Variants in CAB39 observed in about 807,000 individuals in gnomAD.
CAB39 encodes calcium binding protein 39.
CAB39 carries 8 observed loss-of-function variants against 40.0 expected under a neutral mutation model. That is an observed-to-expected ratio of 0.20 (90% confidence interval 0.12 to 0.36). CAB39 has a LOEUF of 0.36. CAB39 is among the 10% of genes least tolerant of loss of function. The probability of loss-of-function intolerance (pLI) is 1.00; values close to 1 mark genes in which losing one functional copy is unlikely to be tolerated. For synonymous variants in CAB39, 156 were observed against 141.6 expected, an observed-to-expected ratio of 1.10 and a Z score of -0.72; for missense variants, 270 against 401.1, an observed-to-expected ratio of 0.67 and a Z score of 2.79.
At chr2:230,816,735 G>C (rs1218875829) in intron 7 of CAB39, among the ~76,000 whole-genome samples, 5 of 152,196 alleles carry the variant, frequency 3.3e-5, no homozygotes, top group Non-Finnish European at 7.3e-5. Flanking sequence ...TTTGCACACT[G>C]ATGCTCGTTT....
intron 5 of CAB39, among the ~76,000 whole-genome samples, chr2:230,804,336 A>G (rs1275584372): frequency 1.3e-5 from 2 of 152,230 alleles, no homozygotes; most frequent in African/African-American, 2.4e-5. Context: ...GGACATAGGC[A>G]TGGGCAAGGA....
Position 230,748,828 on chromosome 2 carries a change from AAAAATATATATATAT to A in CAB39, c.-43-11129_-43-11115del, listed in dbSNP as rs1393193358. Among the ~76,000 whole-genome samples, 155 of 62,748 alleles carry A rather than the reference AAAAATATATATATAT, an allele frequency of 2.5e-3. 7 individuals carry two copies. Among genetic ancestry groups the A allele is most frequent in the East Asian group, 4.1e-3 (10 of 2,442 alleles). The allele number at this position is 62,748 out of a possible 152,430, so 41.2% of individuals were successfully genotyped here. A position where few individuals can be genotyped will look rare whatever the true frequency, so the allele number is the denominator to read the frequency against. ...TTTCCAAAAAGAAAAAAAAAAAAAA[AAAAATATATATATAT>A]ATATATATATATATATATATATATA... On this transcript the variant is annotated intron_variant, in intron 1 of 8. Coordinates refer to ENST00000258418, the MANE Select transcript of CAB39 (RefSeq NM_016289.4).
chr2:230,717,301 A>T (rs1007731337), intron 1 of CAB39, among the ~76,000 whole-genome samples: 2 of 152,214 alleles, frequency 1.3e-5, no homozygotes, highest in African/African-American at 4.8e-5. Context: ...AAATTTGCAT[A>T]GCAATTTAGT....
At chr2:230,756,835 G>A (rs1045366701) in intron 1 of CAB39, among the ~76,000 whole-genome samples, 7 of 152,044 alleles carry the variant, frequency 4.6e-5, no homozygotes, top group African/African-American at 1.7e-4. Context: ...TGGGATTACA[G>A]GCACACGCCA....
intron 2 of CAB39, among the ~76,000 whole-genome samples, chr2:230,776,619 AGT>A (rs1695591448): frequency 6.6e-6 from 1 of 152,046 alleles, no homozygotes. Context: ...AGTGGTTGTG[AGT>A]GTCACTAGTT....
intron 2 of CAB39, among the ~76,000 whole-genome samples, chr2:230,773,242 A>C (rs1338836774): frequency 6.6e-6 from 1 of 150,524 alleles, no homozygotes; most frequent in Non-Finnish European, 1.5e-5. Context: ...TTTGGTGGTT[A>C]CGGTTTTGGT....
chr2:230,745,890 G>T (rs1694964571), intron 1 of CAB39, among the ~76,000 whole-genome samples: 1 of 152,042 alleles, frequency 6.6e-6, no homozygotes, highest in Non-Finnish European at 1.5e-5. Context: ...CTCCCAAAGT[G>T]CTGGGATTAC....
intron 2 of CAB39, among the ~76,000 whole-genome samples, chr2:230,775,603 G>T (rs564972277): frequency 6.6e-6 from 1 of 152,256 alleles, no homozygotes; most frequent in East Asian, 1.9e-4. Context: ...GTAAACTAAT[G>T]AACACAGGTA....
chr2:230,781,356 G>A (rs1249584897), intron 2 of CAB39, among the ~76,000 whole-genome samples: 1 of 152,116 alleles, frequency 6.6e-6, no homozygotes, highest in Non-Finnish European at 1.5e-5. Context: ...AAATCAGCCC[G>A]GTTTAAAGGA....
intron 1 of CAB39, among the ~76,000 whole-genome samples, chr2:230,716,593 T>G (rs1444582713): frequency 2.0e-5 from 3 of 152,354 alleles, no homozygotes; most frequent in Non-Finnish European, 4.4e-5. Context: ...AAAGAGATGG[T>G]GTCTCATTCT....
intron 2 of CAB39, among the ~76,000 whole-genome samples, chr2:230,769,179 A>G (rs185314906): frequency 1.4e-3 from 211 of 152,370 alleles, no homozygotes; most frequent in African/African-American, 4.8e-3. Flanking sequence ...TTTATGATAA[A>G]GTAGGGGTGA....
intron 4 of CAB39, 103 bp downstream of exon 4, chr2:230,793,434 A>G (rs1207195507): frequency 5.9e-6 from 3 of 508,868 alleles, no homozygotes; most frequent in Non-Finnish European, 1.1e-5. Context: ...TTTTCTCTGT[A>G]GTTAGATAAT....
chr2:230,730,605 G>A (rs1232105148), intron 1 of CAB39, among the ~76,000 whole-genome samples: 2 of 151,834 alleles, frequency 1.3e-5, no homozygotes, highest in Non-Finnish European at 2.9e-5. Context: ...CACCACACCC[G>A]GCTAATTTTT....
chr2:230,741,288 T>G (rs1694872500), intron 1 of CAB39, among the ~76,000 whole-genome samples: 1 of 152,242 alleles, frequency 6.6e-6, no homozygotes, highest in South Asian at 2.1e-4. Context: ...ATTAGACTGT[T>G]GAAAATGCTT....
chr2:230,743,426 G>A (rs1013271362), intron 1 of CAB39, among the ~76,000 whole-genome samples: 4 of 152,178 alleles, frequency 2.6e-5, no homozygotes, highest in Non-Finnish European at 5.9e-5. Context: ...AAAGAGTTGT[G>A]TTAGTCTGAC....
intron 2 of CAB39, among the ~76,000 whole-genome samples, chr2:230,781,155 C>A (rs1215083363): frequency 6.6e-6 from 1 of 151,644 alleles, no homozygotes; most frequent in Non-Finnish European, 1.5e-5. Context: ...AGTGTGTTGA[C>A]AAGTTTGAGA....
intron 1 of CAB39, among the ~76,000 whole-genome samples, chr2:230,731,554 G>C (rs1253003268): frequency 2.0e-5 from 3 of 152,200 alleles, no homozygotes; most frequent in African/African-American, 7.2e-5. Flanking sequence ...GAGGCTGTGA[G>C]TGCATTAGTG....
At chr2:230,715,571 C>G (rs1260354285) in intron 1 of CAB39, among the ~76,000 whole-genome samples, 1 of 152,192 alleles carries the variant, frequency 6.6e-6, no homozygotes, top group East Asian at 1.9e-4. Context: ...AAAATAGTCT[C>G]TACACTAGGG....
chr2:230,788,807 C>T (rs1374720614), intron 2 of CAB39, among the ~76,000 whole-genome samples: 1 of 152,010 alleles, frequency 6.6e-6, no homozygotes, highest in Non-Finnish European at 1.5e-5. Flanking sequence ...AGTATTTTTT[C>T]CCTCTGGCTA....
Sources: gnomAD v4.1 joint callset for allele counts (sites outside exome capture counted in the v4.1 genomes callset) on GRCh38, gnomAD v4.1.1 for gene constraint, MANE v1.5 for transcripts, NCBI Gene and HGNC (gene_info 2026-07-23, HGNC 2026-07-21) for gene names.